PTPRN2: variants seen among roughly 807,000 people sequenced by gnomAD.
The protein encoded by PTPRN2 is receptor-type tyrosine-protein phosphatase N2.
A neutral mutation model predicts 118.8 loss-of-function variants in PTPRN2; 74 were observed. The observed-to-expected ratio is 0.62, with a 90% CI of 0.52 to 0.76. PTPRN2 has a LOEUF of 0.76. Ranked by LOEUF, PTPRN2 falls within the 30% of genes least tolerant of loss-of-function variation. The pLI is 0.00. For synonymous variants in PTPRN2, 641 were observed against 608.0 expected (o/e 1.05, Z -0.80); for missense variants, 1,481 against 1,394.4 (o/e 1.06, Z -0.99).
chr7:158,311,266 C>T (rs1395048205), intron 3 of PTPRN2, among the ~76,000 whole-genome samples: 1 of 152,188 alleles, frequency 6.6e-6, no homozygotes, highest in Non-Finnish European at 1.5e-5. Flanking sequence ...TTTTCCTTCT[C>T]TTTTAAGGAA....
chr7:157,709,889 C>T (rs1157398131), intron 12 of PTPRN2, among the ~76,000 whole-genome samples: 1 of 152,210 alleles, frequency 6.6e-6, no homozygotes, highest in Admixed American at 6.5e-5. Flanking sequence ...AGACAAGGCT[C>T]TGGCAGGGAT....
chr7:157,912,747 G>A (rs1009971879), intron 11 of PTPRN2, among the ~76,000 whole-genome samples: 1 of 151,972 alleles, frequency 6.6e-6, no homozygotes, highest in African/African-American at 2.4e-5. Context: ...AAAGTTTCTT[G>A]TAAAGGCCAT....
intron 3 of PTPRN2, among the ~76,000 whole-genome samples, chr7:158,215,643 G>A (rs1205439379): frequency 6.6e-6 from 1 of 151,962 alleles, no homozygotes; most frequent in African/African-American, 2.4e-5. Context: ...TTACCTACAA[G>A]GAAAACACAA....
At chr7:157,642,838 A>AAAAAAAAAAC in intron 14 of PTPRN2, among the ~76,000 whole-genome samples, 1 of 147,736 alleles carries the variant, frequency 6.8e-6, no homozygotes, top group Non-Finnish European at 1.5e-5. Context: ...AAAAAAAAAA[A>AAAAAAAAAAC]AAAAAAGCAG....
In PTPRN2 at chr7:158,096,316, G is replaced by A. The variant is rs112580914; in HGVS notation, c.1643+14513C>T. ...TCTAAGAGCCGGGTCTCAGCCACAT[G>A]CCCAGGCCACCTCCATCCTTGTGGG... On this transcript the variant is annotated intron_variant, in intron 10 of 22. Transcript: ENST00000389418. Among the ~76,000 whole-genome samples, 528 of 152,266 alleles carry A rather than the reference G, an allele frequency of 3.5e-3. 5 individuals are homozygous for A. Among genetic ancestry groups the A allele is most frequent in the African/African-American group, 0.012 (497 of 41,542 alleles).
intron 12 of PTPRN2, among the ~76,000 whole-genome samples, chr7:157,852,372 A>G (rs1809339560): frequency 6.6e-6 from 1 of 152,232 alleles, no homozygotes; most frequent in African/African-American, 2.4e-5. Context: ...TTATTAACAA[A>G]ATTCAGAAGA....
At chr7:157,962,034 G>A (rs1272568540) in intron 11 of PTPRN2, among the ~76,000 whole-genome samples, 1 of 152,224 alleles carries the variant, frequency 6.6e-6, no homozygotes, top group Non-Finnish European at 1.5e-5. Flanking sequence ...AGGCCTCAGT[G>A]CCCGGCGGGT....
intron 10 of PTPRN2, among the ~76,000 whole-genome samples, chr7:158,107,139 C>A (rs892546193): frequency 1.3e-5 from 2 of 152,084 alleles, no homozygotes; most frequent in African/African-American, 4.8e-5. Flanking sequence ...CTGCTGCCCC[C>A]CTTCTCTTCC....
At chr7:158,249,182 C>G (rs1029380967) in intron 3 of PTPRN2, among the ~76,000 whole-genome samples, 2 of 152,110 alleles carry the variant, frequency 1.3e-5, no homozygotes, top group African/African-American at 4.8e-5. Context: ...ACAGCACACA[C>G]ACGAACACAC....
intron 2 of PTPRN2, among the ~76,000 whole-genome samples, chr7:158,446,216 A>G (rs1563304590): frequency 6.6e-6 from 1 of 152,196 alleles, no homozygotes; most frequent in East Asian, 1.9e-4. Flanking sequence ...GGGACTGTTT[A>G]TGGGGTGGGT....
chr7:158,270,840 C>T (rs1411205690), intron 3 of PTPRN2, among the ~76,000 whole-genome samples: 7 of 32,754 alleles, frequency 2.1e-4, no homozygotes, highest in South Asian at 1.7e-3. Flanking sequence ...GGATGACCCC[C>T]TCACCTGGAC....
intron 11 of PTPRN2, among the ~76,000 whole-genome samples, chr7:158,071,168 G>T (rs1385634601): frequency 4.1e-5 from 1 of 24,442 alleles, no homozygotes; most frequent in Non-Finnish European, 8.6e-5. Flanking sequence ...CGTGGTGGAG[G>T]TGCTCTTAGT....
At chr7:157,841,859 TG>T (rs1808446854) in intron 12 of PTPRN2, among the ~76,000 whole-genome samples, 2 of 152,150 alleles carry the variant, frequency 1.3e-5, no homozygotes, top group African/African-American at 4.8e-5. Context: ...CTTTCCTTCC[TG>T]CGGGCCTGCA....
intron 3 of PTPRN2, among the ~76,000 whole-genome samples, chr7:158,279,763 G>A (rs560304957): frequency 6.6e-6 from 1 of 152,322 alleles, no homozygotes; most frequent in East Asian, 1.9e-4. Flanking sequence ...GCCTCAGCAA[G>A]CCCCAGAGAG....
At chr7:157,835,488 G>A (rs1197506030) in intron 12 of PTPRN2, among the ~76,000 whole-genome samples, 1 of 152,180 alleles carries the variant, frequency 6.6e-6, no homozygotes, top group Non-Finnish European at 1.5e-5. Context: ...CACAAAAGAT[G>A]CTAAAAGAGG....
intron 10 of PTPRN2, among the ~76,000 whole-genome samples, chr7:158,098,803 G>GGGGAGAAA (rs1814900941): frequency 6.6e-6 from 1 of 152,086 alleles, no homozygotes; most frequent in Admixed American, 6.5e-5. Context: ...CCGAGGAGCT[G>GGGGAGAAA]GGGAGAAAGC....
At chr7:157,989,610 G>A (rs979542955) in intron 11 of PTPRN2, among the ~76,000 whole-genome samples, 2 of 151,820 alleles carry the variant, frequency 1.3e-5, no homozygotes, top group African/African-American at 2.4e-5. Context: ...AGGGGTGGAG[G>A]GATGAGGGGG....
chr7:158,425,211 G>C (rs62479974), intron 2 of PTPRN2, among the ~76,000 whole-genome samples: 12,722 of 18,658 alleles, frequency 0.68, 5,045 homozygotes, highest in African/African-American at 0.78. Context: ...CGGGAAAGAC[G>C]CGGTGTCCGA....
chr7:158,579,260 T>C (rs548285648), intron 1 of PTPRN2, among the ~76,000 whole-genome samples: 18 of 152,384 alleles, frequency 1.2e-4, no homozygotes, highest in African/African-American at 4.3e-4. Context: ...GCAATGCTTT[T>C]GCAATAATCT....
Sources: gnomAD v4.1 joint callset for allele counts (sites outside exome capture counted in the v4.1 genomes callset) on GRCh38, gnomAD v4.1.1 for gene constraint, MANE v1.5 for transcripts, NCBI Gene and HGNC (gene_info 2026-07-23, HGNC 2026-07-21) for gene names.